The following GTF2H5 variants were observed in gnomAD, a reference collection of about 807,000 sequenced individuals.
GTF2H5 encodes the protein TFB5 ortholog.
Under a neutral mutation model 7.1 loss-of-function variants are expected in GTF2H5, and 5 were observed. That is an observed-to-expected ratio of 0.71 (90% CI 0.37 to 1.49). The LOEUF (loss-of-function observed/expected upper bound fraction) is 1.49, where lower values mean the gene tolerates loss of function less well. Among genes scored for constraint, GTF2H5 ranks in the 40% most tolerant of loss-of-function variants. The pLI is 0.03. For missense variants in GTF2H5, 80 were observed against 83.0 expected (o/e 0.96, Z 0.14); for synonymous variants, 30 against 31.7 (o/e 0.95, Z 0.18).
At chr6:158,182,854 C>T (rs1245427981) in intron 2 of GTF2H5, among the ~76,000 whole-genome samples, 1 of 151,904 alleles carries the variant, frequency 6.6e-6, no homozygotes, top group Non-Finnish European at 1.5e-5. Context: ...TTGTTATTAC[C>T]GACCTTCTGA....
intron 2 of GTF2H5, among the ~76,000 whole-genome samples, chr6:158,178,589 C>T (rs1228705532): frequency 6.6e-6 from 1 of 151,674 alleles, no homozygotes; most frequent in Non-Finnish European, 1.5e-5. Flanking sequence ...ATTTGCATTA[C>T]TCTAATGACC....
intron 2 of GTF2H5, among the ~76,000 whole-genome samples, chr6:158,191,486 CTT>C (rs71542917): frequency 9.0e-5 from 13 of 143,896 alleles, no homozygotes; most frequent in Admixed American, 1.4e-4. Context: ...ACTAATAGTT[CTT>C]TTTTTTTTTT....
At chr6:158,172,107 A>T (rs1320338452) in intron 2 of GTF2H5, among the ~76,000 whole-genome samples, 2 of 152,038 alleles carry the variant, frequency 1.3e-5, no homozygotes, top group Non-Finnish European at 2.9e-5. Flanking sequence ...GGTTTGTTAA[A>T]TATTCACTTC....
chr6:158,198,069 G>C lies in GTF2H5; in HGVS notation c.*5912G>C, dbSNP rs547262864. ...ATATAAAGCAGAACGTTATGAAACT[G>C]AGTTACCTTGAATCTAGAAGAGTAC... On this transcript the variant is annotated 3_prime_UTR_variant, in exon 3 of 3. Transcript: ENST00000607778. 1.5e-4 allele frequency: 23 copies of C among 152,314 alleles called. No individual in the cohort carries two copies. Among genetic ancestry groups the C allele is most frequent in the South Asian group, 4.1e-4 (2 of 4,822 alleles). 9.4% of individuals were successfully genotyped at this position (152,314 alleles called of 1,614,324 possible). A position where few individuals can be genotyped will look rare whatever the true frequency, so the allele number is the denominator to read the frequency against.
In GTF2H5 at chr6:158,195,348, AG is replaced by A. The variant is rs200816056; in HGVS notation, c.*3193del. 591 of 152,312 alleles carry A rather than the reference AG, an allele frequency of 3.9e-3. 6 individuals carry two copies. The highest frequency in any genetic ancestry group is 0.014 in the African/African-American group (566 of 41,552). The allele number at this position is 152,312 out of a possible 1,614,324, so 9.4% of individuals were successfully genotyped here. ...TATTGAGTGTTATATTTCTCAATAA[AG>A]GTTTTTTCTTTTAATACTGTATTAG... is the stretch of plus-strand genomic sequence containing the variant. On this transcript the variant is annotated 3_prime_UTR_variant, in exon 3 of 3. Coordinates refer to ENST00000607778, the MANE Select transcript of GTF2H5 (RefSeq NM_207118.3).
chr6:158,180,106 G>C (rs1785989961), intron 2 of GTF2H5, among the ~76,000 whole-genome samples: 1 of 152,122 alleles, frequency 6.6e-6, no homozygotes, highest in East Asian at 1.9e-4. Flanking sequence ...TTTGTCGAAG[G>C]CCTTTTCCGC....
intron 2 of GTF2H5, among the ~76,000 whole-genome samples, chr6:158,175,366 C>T (rs1785919816): frequency 6.6e-6 from 1 of 152,200 alleles, no homozygotes; most frequent in African/African-American, 2.4e-5. Flanking sequence ...CCCCACCAAG[C>T]TGCTGATGGA....
chr6:158,193,140 CTG>C lies in GTF2H5; in HGVS notation c.*985_*986del, dbSNP rs138803199. ...TCGCTTGAGTCCAGGAGTCGAAACC[CTG>C]TCTCTACAAAAAAAAAAATACAAAA... is the stretch of plus-strand genomic sequence containing the variant. On this transcript the variant is annotated 3_prime_UTR_variant, in exon 3 of 3. Coordinates refer to ENST00000607778, the MANE Select transcript of GTF2H5 (RefSeq NM_207118.3). The C allele has an allele frequency of 0.14, 20,418 of 149,966 alleles. 1,711 individuals are homozygous for C. Among genetic ancestry groups the C allele is most frequent in the Middle Eastern group, 0.3 (86 of 288 alleles). 9.3% of individuals were successfully genotyped at this position (149,966 alleles called of 1,614,324 possible).
rs1272988046 is a variant in GTF2H5 at position 158,170,530 on chromosome 6, T to G, written c.27T>G (p.Leu9=). 6.2e-7 allele frequency: 1 copy of G among 1,607,428 alleles called. No homozygotes were observed. Among genetic ancestry groups the G allele is most frequent in the Non-Finnish European group, 8.5e-7 (1 of 1,173,958 alleles). Residue 9 remains leucine (L), a synonymous_variant, in exon 2 of 3, where the codon CTT becomes CTG. Coordinates refer to ENST00000607778, the MANE Select transcript of GTF2H5 (RefSeq NM_207118.3). MVNVLKGV[L]IECDPAMKQF... The stretch of plus-strand genomic sequence containing the variant: ...TGGTCAACGTCTTGAAAGGAGTGCT[T>G]ATAGAATGGTTAGTAGTTTTGATAC...
intron 2 of GTF2H5, among the ~76,000 whole-genome samples, chr6:158,187,856 G>A (rs1458413274): frequency 6.6e-6 from 1 of 152,144 alleles, no homozygotes; most frequent in Non-Finnish European, 1.5e-5. Context: ...GTGAGCCACC[G>A]CACCCGGCCA....
rs971367358 is a variant in GTF2H5, at chr6:158,192,281, A to C, written c.*124A>C. The C allele has an allele frequency of 2.9e-5, 21 of 723,636 alleles. No individual in the cohort carries two copies. Among genetic ancestry groups the C allele is most frequent in the Non-Finnish European group, 4.9e-5 (20 of 407,206 alleles). The allele number at this position is 723,636 out of a possible 1,614,324, so 44.8% of individuals were successfully genotyped here. ...TAGGAGCATGCCACGGGAAAGACTGAGGGATCATGATCATTTGTTCAGAAA... is the reference window on the plus strand; with the variant it reads ...TAGGAGCATGCCACGGGAAAGACTGCGGGATCATGATCATTTGTTCAGAAA... On this transcript the variant is annotated 3_prime_UTR_variant, in exon 3 of 3. Coordinates refer to ENST00000607778, the MANE Select transcript of GTF2H5 (RefSeq NM_207118.3).
In GTF2H5 at chr6:158,197,416, AG is replaced by A. The variant is rs1282713982; in HGVS notation, c.*5260del. The A allele has an allele frequency of 2.0e-5, 3 of 153,600 alleles. No individual in the cohort carries two copies. Among genetic ancestry groups the A allele is most frequent in the Non-Finnish European group, 2.9e-5 (2 of 68,274 alleles). 9.5% of individuals were successfully genotyped at this position (153,600 alleles called of 1,614,324 possible). A position where few individuals can be genotyped will look rare whatever the true frequency, so the allele number is the denominator to read the frequency against. On this transcript the variant is annotated 3_prime_UTR_variant, in exon 3 of 3. Coordinates refer to ENST00000607778, the MANE Select transcript of GTF2H5 (RefSeq NM_207118.3). ...AAAATAATTATTTTGCAAACATAAA[AG>A]AAAAAAAAAAGAATTGTAACAGAAA...
intron 2 of GTF2H5, among the ~76,000 whole-genome samples, chr6:158,174,929 G>A (rs1785908767): frequency 6.6e-6 from 1 of 151,868 alleles, no homozygotes; most frequent in South Asian, 2.1e-4. Context: ...TTCTCAGCAT[G>A]TATAAATCTT....
At chr6:158,189,590 CCT>C (rs1381224136) in intron 2 of GTF2H5, among the ~76,000 whole-genome samples, 2 of 152,182 alleles carry the variant, frequency 1.3e-5, no homozygotes, top group African/African-American at 4.8e-5. Context: ...ACCACCACCT[CCT>C]CTTTCCAGTT....
Position 158,192,503 on chromosome 6 carries a change from A to G in GTF2H5, c.*346A>G, listed in dbSNP as rs577502210. 3.5e-6 allele frequency: 1 copy of G among 283,798 alleles called. No homozygotes were observed. Among genetic ancestry groups the G allele is most frequent in the Non-Finnish European group, 6.8e-6 (1 of 147,506 alleles). The allele number at this position is 283,798 out of a possible 1,614,324, so 17.6% of individuals were successfully genotyped here. ...TGATCTGTGCATTTTTGCTGCGTGG[A>G]TGTGATTGTTTGGTTTCAGTTAGAA... On this transcript the variant is annotated 3_prime_UTR_variant, in exon 3 of 3. Transcript: ENST00000607778.
At chr6:158,172,128 G>A (rs2128429007) in intron 2 of GTF2H5, among the ~76,000 whole-genome samples, 1 of 151,962 alleles carries the variant, frequency 6.6e-6, no homozygotes, top group South Asian at 2.1e-4. Flanking sequence ...TCTCTTCTGA[G>A]GGTTTTGTGT....
chr6:158,169,410 T>C (rs1214751540), intron 1 of GTF2H5, among the ~76,000 whole-genome samples: 1 of 69,318 alleles, frequency 1.4e-5, no homozygotes, highest in African/African-American at 5.5e-5. Context: ...TATTGTATAT[T>C]ATATATTATA....
intron 1 of GTF2H5, among the ~76,000 whole-genome samples, chr6:158,169,569 A>ACAG (rs1401988317): frequency 2.3e-5 from 2 of 88,274 alleles, no homozygotes; most frequent in African/African-American, 9.1e-5. Flanking sequence ...TATATAATAT[A>ACAG]TTGTATATTA....
In GTF2H5 at chr6:158,176,982, C is replaced by T. The variant is rs529897752; in HGVS notation, c.35+6444C>T. Among the ~76,000 whole-genome samples the T allele has an allele frequency of 2.0e-5, 3 of 152,308 alleles. No individual in the cohort carries two copies. In the East Asian group the frequency reaches 5.8e-4, roughly 29 times the overall value. On this transcript the variant is annotated intron_variant, in intron 2 of 2. Coordinates refer to ENST00000607778, the MANE Select transcript of GTF2H5 (RefSeq NM_207118.3). ...TAAGCGGTTTTCCGCCCTGGGTGGG[C>T]CAGGTGTTCCTTGCCCTCATTCCAG... is the stretch of plus-strand genomic sequence containing the variant.
Sources: allele counts gnomAD v4.1 joint callset (sites outside exome capture counted in the v4.1 genomes callset), GRCh38; gene constraint gnomAD v4.1.1; transcripts MANE v1.5; gene names NCBI Gene and HGNC (gene_info 2026-07-23, HGNC 2026-07-21).